Variants in USP25 observed in about 807,000 individuals in gnomAD.
The protein encoded by USP25 is ubiquitin carboxyl-terminal hydrolase 25.
A neutral mutation model predicts 158.5 loss-of-function variants in USP25; 85 were observed. That is an observed-to-expected ratio of 0.54 (90% CI 0.45 to 0.64). The LOEUF (loss-of-function observed/expected upper bound fraction) is 0.64, where lower values mean the gene tolerates loss of function less well. Ranked by LOEUF, USP25 falls within the 30% of genes least tolerant of loss-of-function variation. USP25 has a pLI of 0.00. For missense variants in USP25, 1,242 were observed against 1,327.3 expected (o/e 0.94, Z 1.00); for synonymous variants, 464 against 460.4 (o/e 1.01, Z -0.10).
chr21:15,750,438 C>T (rs1191375179), intron 1 of USP25, among the ~76,000 whole-genome samples: 1 of 150,030 alleles, frequency 6.7e-6, no homozygotes, highest in Non-Finnish European at 1.5e-5. Context: ...CCATATTGGT[C>T]AGGCTGGTCT....
At chr21:15,795,898 G>A (rs1035088417) in intron 5 of USP25, among the ~76,000 whole-genome samples, 1 of 151,122 alleles carries the variant, frequency 6.6e-6, no homozygotes, top group South Asian at 2.1e-4. Flanking sequence ...TTAATCCTCC[G>A]AGGAGAATTT....
chr21:15,765,812 G>C (rs1390623196), intron 2 of USP25, among the ~76,000 whole-genome samples, 185 bp from the exon 3 acceptor site: 2 of 151,868 alleles, frequency 1.3e-5, no homozygotes, highest in Non-Finnish European at 2.9e-5. Context: ...AGTAAGAAAG[G>C]TATTACTATT....
At chr21:15,813,679 A>G (rs1023552214) in intron 9 of USP25, among the ~76,000 whole-genome samples, 5 of 152,172 alleles carry the variant, frequency 3.3e-5, no homozygotes, top group Non-Finnish European at 7.3e-5. Context: ...CTTAAAAATT[A>G]AAAACGTTAT....
Position 15,826,328 on chromosome 21 carries a change from C to G in USP25, c.1429C>G (p.Pro477Ala). Residue 477 changes from proline (P) to alanine (A), a missense_variant, in exon 13 of 26, where the codon CCA becomes GCA. Around this residue, in one of 3 missense-constraint regions of USP25, gnomAD observed 627 missense variants for 701.4 expected, o/e 0.89. Transcript: ENST00000400183. The surrounding 1 kb of genome is among the most constrained non-coding windows in gnomAD (Gnocchi z 4.8). ...SPVDDIDASSPPSGSIPSQTL... is the reference protein window; with the variant it reads ...SPVDDIDASSAPSGSIPSQTL... Reference sequence around the variant, plus strand: ...TGTTGACGATATTGACGCTAGTTCCCCACCTAGTGGTTCCATACCATCACA... The same window carrying G: ...TGTTGACGATATTGACGCTAGTTCCGCACCTAGTGGTTCCATACCATCACA... 6.2e-7 allele frequency: 1 copy of G among 1,614,002 alleles called. No individual in the cohort carries two copies. Among genetic ancestry groups the G allele is most frequent in the Non-Finnish European group, 8.5e-7 (1 of 1,179,936 alleles).
chr21:15,828,513 C>G (rs944665403), intron 14 of USP25, among the ~76,000 whole-genome samples: 22 of 152,258 alleles, frequency 1.4e-4, no homozygotes, highest in African/African-American at 4.6e-4. Flanking sequence ...GAATGATTCT[C>G]TCAGTTCATA....
chr21:15,777,488 T>G (rs1032454974), intron 3 of USP25, among the ~76,000 whole-genome samples: 1 of 152,176 alleles, frequency 6.6e-6, no homozygotes, highest in African/African-American at 2.4e-5. Context: ...TTTGATAATG[T>G]CTAGATGGTA....
chr21:15,752,323 C>T (rs1765185497), intron 1 of USP25, among the ~76,000 whole-genome samples: 1 of 151,958 alleles, frequency 6.6e-6, no homozygotes, highest in East Asian at 1.9e-4. Context: ...TCAAGCAATT[C>T]TCCTGCCTCA....
At chr21:15,747,399 G>T (rs542393357) in intron 1 of USP25, among the ~76,000 whole-genome samples, 1 of 151,428 alleles carries the variant, frequency 6.6e-6, no homozygotes, top group African/African-American at 2.4e-5. Flanking sequence ...ATAGAATATA[G>T]TATATATAGT....
rs746211650 is a variant in USP25, at chr21:15,818,852, T to C, written c.1080+6T>C. On this transcript the variant is annotated splice_donor_region_variant and intron_variant, in intron 10 of 25. Transcript: ENST00000400183. ...CAGGAAAATCAGGCCAAGAGGTGAG[T>C]TTAACATTTTCATTGTCCCCTTTCT... is the stretch of plus-strand genomic sequence containing the variant. The C allele has an allele frequency of 1.2e-6, 2 of 1,607,426 alleles. No homozygotes were observed. The highest frequency in any genetic ancestry group is 1.1e-5 in the South Asian group (1 of 90,836).
chr21:15,837,539 T>A (rs191344137), intron 17 of USP25, among the ~76,000 whole-genome samples: 29 of 152,298 alleles, frequency 1.9e-4, no homozygotes, highest in African/African-American at 6.5e-4. Flanking sequence ...CTTAAAGAGA[T>A]CTTCAGATAA....
chr21:15,849,196 A>G (rs762581980), intron 19 of USP25, among the ~76,000 whole-genome samples: 4 of 152,182 alleles, frequency 2.6e-5, no homozygotes, highest in Non-Finnish European at 4.4e-5. Context: ...ATTTAACACT[A>G]TCTTTTTTGC....
intron 4 of USP25, among the ~76,000 whole-genome samples, chr21:15,790,876 A>G (rs946558811): frequency 2.6e-5 from 4 of 151,946 alleles, no homozygotes; most frequent in African/African-American, 9.7e-5. Context: ...AAGGTTAACT[A>G]TCTTTTGTTA....
chr21:15,854,164 G>GTTCA (rs2039025871), intron 20 of USP25, among the ~76,000 whole-genome samples: 1 of 130,112 alleles, frequency 7.7e-6, no homozygotes, highest in South Asian at 2.4e-4. Context: ...TGTTTTGTTT[G>GTTCA]AGGCAAAGTC....
At chr21:15,752,126 T>C (rs2033062155) in intron 1 of USP25, among the ~76,000 whole-genome samples, 1 of 151,864 alleles carries the variant, frequency 6.6e-6, no homozygotes, top group African/African-American at 2.4e-5. Flanking sequence ...AGAGATGGGG[T>C]TTCACCATGT....
intron 6 of USP25, among the ~76,000 whole-genome samples, chr21:15,800,702 G>A (rs939977586): frequency 1.3e-5 from 2 of 151,470 alleles, no homozygotes; most frequent in Non-Finnish European, 3.0e-5. Flanking sequence ...CCAAGGCAAG[G>A]GAGTTAGTTT....
At chr21:15,866,880 A>C (rs1037586512) in intron 22 of USP25, among the ~76,000 whole-genome samples, 1 of 152,172 alleles carries the variant, frequency 6.6e-6, no homozygotes, top group Non-Finnish European at 1.5e-5. Context: ...CACAGCCACA[A>C]GTTTACAGCT....
chr21:15,826,383 T>A lies in USP25; in HGVS notation c.1466+18T>A, dbSNP rs1421539304. Reference sequence around the variant, plus strand: ...TTACCAAGGTAAAAAGTAATCCTGATGCAAGAGACAGTTGTTACCTTTATT... The same window carrying A: ...TTACCAAGGTAAAAAGTAATCCTGAAGCAAGAGACAGTTGTTACCTTTATT... On this transcript the variant is annotated intron_variant, in intron 13 of 25. Transcript: ENST00000400183. The surrounding 1 kb of genome is among the most constrained non-coding windows in gnomAD (Gnocchi z 4.8). The A allele has an allele frequency of 6.8e-6, 11 of 1,613,108 alleles. No homozygotes were observed. The highest frequency in any genetic ancestry group is 9.3e-6 in the Non-Finnish European group (11 of 1,179,464).
chr21:15,874,780 T>C (rs2040034356), intron 24 of USP25, among the ~76,000 whole-genome samples: 2 of 152,180 alleles, frequency 1.3e-5, no homozygotes, highest in African/African-American at 4.8e-5. Context: ...TACATTTCTG[T>C]ATTTAGATTT....
At chr21:15,842,298 G>A in intron 17 of USP25, 100 bp from the exon 18 acceptor site, 1 of 1,297,208 alleles carries the variant, frequency 7.7e-7, no homozygotes, top group Non-Finnish European at 1.0e-6. Context: ...ACTAAAATTG[G>A]TTCTTACATA....
Sources: allele counts gnomAD v4.1 joint callset (sites outside exome capture counted in the v4.1 genomes callset), GRCh38; gene constraint gnomAD v4.1.1; regional missense constraint gnomAD v4.1.1; non-coding constraint Gnocchi (gnomAD v3.1); transcripts MANE v1.5; gene names NCBI Gene and HGNC (gene_info 2026-07-23, HGNC 2026-07-21).